Variants in SLC22A2 observed in about 807,000 individuals in gnomAD.
SLC22A2 encodes solute carrier family 22 member 2.
SLC22A2 carries 46 observed loss-of-function variants against 60.5 expected under a neutral mutation model. That is an observed-to-expected ratio of 0.76 (90% CI 0.60 to 0.97). SLC22A2 has a LOEUF of 0.97. Among genes scored for constraint, SLC22A2 ranks in the 50% least tolerant of loss-of-function variants. The pLI is 0.00. For synonymous variants in SLC22A2, 303 were observed against 267.0 expected, an observed-to-expected ratio of 1.13 and a Z score of -1.31; for missense variants, 701 against 706.6, an observed-to-expected ratio of 0.99 and a Z score of 0.09.
chr6:160,228,640 T>G (rs1782766067), intron 9 of SLC22A2, among the ~76,000 whole-genome samples: 1 of 152,194 alleles, frequency 6.6e-6, no homozygotes, highest in Non-Finnish European at 1.5e-5. Context: ...CATAGAAACA[T>G]GGATAGTAAT....
chr6:160,221,395 TCCAGA>T (rs2114848582), intron 10 of SLC22A2, among the ~76,000 whole-genome samples: 1 of 152,354 alleles, frequency 6.6e-6, no homozygotes, highest in African/African-American at 2.4e-5. Flanking sequence ...TGATCTTCTA[TCCAGA>T]CCACTCAAGC....
chr6:160,220,970 C>T (rs1270302295), intron 10 of SLC22A2, among the ~76,000 whole-genome samples: 2 of 152,200 alleles, frequency 1.3e-5, no homozygotes, highest in Admixed American at 6.5e-5. Flanking sequence ...ACTGGCTTCA[C>T]CTTCTAGTCA....
At position 160,258,560 on chromosome 6, in the gene SLC22A2, ACT is replaced by A; in HGVS notation, c.196_197del (p.Pro67CysfsTer23). The A allele has an allele frequency of 6.2e-7, 1 of 1,613,248 alleles. No homozygotes were observed. The highest frequency in any genetic ancestry group is 8.5e-7 in the Non-Finnish European group (1 of 1,179,690). ...VAELSLRCGW[S>X]PAEELNYTVP... The stretch of plus-strand genomic sequence containing the variant: ...CCGTGTAGTTCAGTTCCTCTGCAGG[ACT>A]CCAGCCGCAGCGCAGACTCAGCTCG... On this transcript the variant is annotated frameshift_variant, in exon 1 of 11. Transcript: ENST00000366953. LOFTEE classifies it high-confidence loss of function.
At position 160,249,146 on chromosome 6, in the gene SLC22A2, TAAGG is replaced by T. The variant is rs150818356; in HGVS notation, c.842+66_842+69del. ...TCAGAATCAGAAAGATAGTGTGCAT[TAAGG>T]AAGGCAGACTTCTTAGCAGAATAAA... On this transcript the variant is annotated intron_variant, in intron 4 of 10. Transcript: ENST00000366953. 1.7e-3 allele frequency: 1,829 copies of T among 1,096,082 alleles called. 30 individuals carry two copies. In the African/African-American group the frequency reaches 0.027, roughly 16 times the overall value. The allele number at this position is 1,096,082 out of a possible 1,614,324, so 67.9% of individuals were successfully genotyped here.
intron 9 of SLC22A2, among the ~76,000 whole-genome samples, chr6:160,229,338 G>A (rs1782779785): frequency 6.6e-6 from 1 of 151,880 alleles, no homozygotes; most frequent in South Asian, 2.1e-4. Flanking sequence ...AGACAGAGAT[G>A]ATGCATTTTA....
At position 160,242,406 on chromosome 6, in the gene SLC22A2, A is replaced by G. The variant is rs767879521; in HGVS notation, c.1280-4T>C. 3 of 1,464,126 alleles carry G rather than the reference A, an allele frequency of 2.0e-6. No homozygotes were observed. In the South Asian group the frequency reaches 3.4e-5, roughly 17 times the overall value. 90.7% of individuals were successfully genotyped at this position (1,464,126 alleles called of 1,614,324 possible). ...ATAATTTTTAGCCATTGTAGATCTA[A>G]GAGGGAAAAGAACAGTACTTATCCG... is the stretch of plus-strand genomic sequence containing the variant. On this transcript the variant is annotated splice_polypyrimidine_tract_variant and splice_region_variant and intron_variant, in intron 7 of 10. Transcript: ENST00000366953.
chr6:160,250,415 G>T, intron 3 of SLC22A2, 133 bp downstream of exon 3: 1 of 822,542 alleles, frequency 1.2e-6, no homozygotes, highest in Non-Finnish European at 2.0e-6. Context: ...GAATTCTTTT[G>T]ATACAGAAAT....
At chr6:160,247,819 ACT>A (rs898688311) in intron 4 of SLC22A2, among the ~76,000 whole-genome samples, 2 of 152,138 alleles carry the variant, frequency 1.3e-5, no homozygotes, top group African/African-American at 4.8e-5. Flanking sequence ...AGAACTATTG[ACT>A]CTGTGTCTGG....
At chr6:160,231,898 T>C (rs146374339) in intron 9 of SLC22A2, among the ~76,000 whole-genome samples, 2 of 152,012 alleles carry the variant, frequency 1.3e-5, no homozygotes, top group African/African-American at 4.8e-5. Flanking sequence ...TGGTCGGAAT[T>C]CTTATACAAG....
At chr6:160,250,907 G>C (rs1288158407) in intron 2 of SLC22A2, among the ~76,000 whole-genome samples, 1 of 152,178 alleles carries the variant, frequency 6.6e-6, no homozygotes, top group African/African-American at 2.4e-5. Context: ...CTATGTGTAA[G>C]TTTTCAGCAT....
chr6:160,217,420 C>G lies in SLC22A2; in HGVS notation c.*12G>C. 6.4e-7 allele frequency: 1 copy of G among 1,568,132 alleles called. No individual in the cohort carries two copies. Among genetic ancestry groups the G allele is most frequent in the Non-Finnish European group, 8.8e-7 (1 of 1,140,390 alleles). On this transcript the variant is annotated 3_prime_UTR_variant, in exon 11 of 11. Transcript: ENST00000366953. ...CAAAGCTAGGTCATGACAGCAGCAA[C>G]GGTCTCTCTTCTTAGTTCAATGGAA...
chr6:160,234,720 TTGAACAGTTAA>T (rs1782883505), intron 9 of SLC22A2, among the ~76,000 whole-genome samples: 1 of 152,230 alleles, frequency 6.6e-6, no homozygotes, highest in Non-Finnish European at 1.5e-5. Context: ...AAAAATTATC[TTGAACAGTTAA>T]AAGACTTTGC....
intron 5 of SLC22A2, among the ~76,000 whole-genome samples, chr6:160,245,829 C>G (rs1477595141): frequency 6.7e-6 from 1 of 148,826 alleles, no homozygotes; most frequent in Non-Finnish European, 1.5e-5. Context: ...TCCTGAGTAG[C>G]TGGGATTACA....
At chr6:160,252,278 T>C (rs1262160513) in intron 2 of SLC22A2, among the ~76,000 whole-genome samples, 1 of 152,174 alleles carries the variant, frequency 6.6e-6, no homozygotes, top group Non-Finnish European at 1.5e-5. Context: ...TGGTACTTCT[T>C]CAACTTTCAA....
At chr6:160,249,503 C>T in intron 3 of SLC22A2, 119 bp from the exon 4 acceptor site, 1 of 730,338 alleles carries the variant, frequency 1.4e-6, no homozygotes, top group Non-Finnish European at 2.3e-6. Context: ...ATATTCTACG[C>T]AACTCTCTGA....
rs936064647 is a variant in SLC22A2 at position 160,218,645 on chromosome 6, G to A, written c.1602-1147C>T. On this transcript the variant is annotated intron_variant, in intron 10 of 10. Transcript: ENST00000366953. ...AACAGTAGCAACACGAGCAACAGCA[G>A]CAGCAACAATAGTATCAGTAATAGC... 4.6e-3 allele frequency among the ~76,000 whole-genome samples: 52 copies of A among 11,198 alleles called. 1 individual carries two copies. Among genetic ancestry groups the A allele is most frequent in the African/African-American group, 0.012 (46 of 3,876 alleles). The allele number at this position is 11,198 out of a possible 152,430, so 7.3% of individuals were successfully genotyped here.
intron 10 of SLC22A2, among the ~76,000 whole-genome samples, chr6:160,220,390 G>A (rs1439541489): frequency 6.6e-6 from 1 of 152,168 alleles, no homozygotes; most frequent in Non-Finnish European, 1.5e-5. Context: ...TGTATCTGCA[G>A]ACACTTTTTA....
At chr6:160,232,730 T>A (rs1194405206) in intron 9 of SLC22A2, among the ~76,000 whole-genome samples, 1 of 151,824 alleles carries the variant, frequency 6.6e-6, no homozygotes, top group Non-Finnish European at 1.5e-5. Context: ...TCAGATCCCA[T>A]CACTCAGGAC....
intron 6 of SLC22A2, 61 bp downstream of exon 6, chr6:160,245,378 A>C (rs1783074144): frequency 1.1e-6 from 1 of 927,238 alleles, no homozygotes. Context: ...TCCCTTCCTT[A>C]CTATGGATGA....
Sources: allele counts gnomAD v4.1 joint callset (sites outside exome capture counted in the v4.1 genomes callset), GRCh38; gene constraint gnomAD v4.1.1; transcripts MANE v1.5; gene names NCBI Gene and HGNC (gene_info 2026-07-23, HGNC 2026-07-21).